Variants in ROBO2 observed in about 807,000 individuals in gnomAD.
ROBO2 encodes roundabout guidance receptor 2.
A neutral mutation model predicts 160.8 loss-of-function variants in ROBO2; 53 were observed. The observed-to-expected ratio is 0.33, with a 90% CI of 0.26 to 0.41. ROBO2 has a LOEUF of 0.41. Ranked by LOEUF, ROBO2 falls within the 10% of genes least tolerant of loss-of-function variation. The pLI is 1.00. For synonymous variants in ROBO2, 664 were observed against 611.7 expected (o/e 1.09, Z -1.26); for missense variants, 1,577 against 1,722.4 (o/e 0.92, Z 1.49).
intron 2 of ROBO2, among the ~76,000 whole-genome samples, chr3:75,986,248 G>A (rs2065411401): frequency 6.6e-6 from 1 of 151,348 alleles, no homozygotes; most frequent in Non-Finnish European, 1.5e-5. Context: ...TGTGTACGAG[G>A]TGTTATGTTC....
At chr3:77,215,060 G>A (rs1031886881) in intron 2 of ROBO2, among the ~76,000 whole-genome samples, 1 of 152,064 alleles carries the variant, frequency 6.6e-6, no homozygotes, top group East Asian at 1.9e-4. Context: ...TATGTGTCTT[G>A]GAGTTGCTCT....
At chr3:76,919,078 G>T (rs553213101) in intron 2 of ROBO2, among the ~76,000 whole-genome samples, 46 of 151,536 alleles carry the variant, frequency 3.0e-4, no homozygotes, top group Non-Finnish European at 5.6e-4. Flanking sequence ...TTAGACCTTT[G>T]TCAGATGGCG....
At chr3:76,318,326 A>C (rs975834131) in intron 2 of ROBO2, among the ~76,000 whole-genome samples, 16 of 152,110 alleles carry the variant, frequency 1.1e-4, no homozygotes, top group African/African-American at 3.9e-4. Flanking sequence ...TTATAATGTC[A>C]GATTATGCCA....
chr3:77,186,017 G>A (rs377374584), intron 2 of ROBO2, among the ~76,000 whole-genome samples: 6 of 151,824 alleles, frequency 4.0e-5, no homozygotes, highest in East Asian at 3.9e-4. Flanking sequence ...ATGGACTTTG[G>A]GAATTTAGGG....
intron 2 of ROBO2, among the ~76,000 whole-genome samples, chr3:76,182,712 A>G (rs1344378649): frequency 6.6e-6 from 1 of 152,168 alleles, no homozygotes; most frequent in Non-Finnish European, 1.5e-5. Context: ...TAAAGTCAGG[A>G]GGCGCAAATT....
intron 2 of ROBO2, among the ~76,000 whole-genome samples, chr3:76,076,913 T>G (rs2107999684): frequency 6.6e-6 from 1 of 152,314 alleles, no homozygotes; most frequent in South Asian, 2.1e-4. Context: ...ATAACTGTTG[T>G]TTTGGTCTTT....
chr3:76,789,012 G>A (rs2063176582), intron 2 of ROBO2, among the ~76,000 whole-genome samples: 1 of 151,416 alleles, frequency 6.6e-6, no homozygotes, highest in East Asian at 2.0e-4. Context: ...TCGAACACCT[G>A]GGTGTTAAAC....
intron 2 of ROBO2, among the ~76,000 whole-genome samples, chr3:77,470,793 A>T (rs2083274999): frequency 6.6e-6 from 1 of 152,164 alleles, no homozygotes; most frequent in Non-Finnish European, 1.5e-5. Flanking sequence ...TGTATGTCAT[A>T]TAAGGAACTG....
At chr3:76,973,067 A>G (rs2059646788) in intron 2 of ROBO2, among the ~76,000 whole-genome samples, 1 of 152,214 alleles carries the variant, frequency 6.6e-6, no homozygotes, top group African/African-American at 2.4e-5. Context: ...ATATCCAGCT[A>G]AAGAACCTCG....
At chr3:76,654,865 A>G (rs573731720) in intron 2 of ROBO2, among the ~76,000 whole-genome samples, 9 of 148,554 alleles carry the variant, frequency 6.1e-5, no homozygotes, top group African/African-American at 2.2e-4. Flanking sequence ...ACACACACGT[A>G]CATATATGTG....
chr3:76,144,177 G>A (rs2071797234), intron 2 of ROBO2, among the ~76,000 whole-genome samples: 2 of 152,032 alleles, frequency 1.3e-5, no homozygotes, highest in South Asian at 4.1e-4. Context: ...GGAAGTCAAA[G>A]CAATTATTAA....
chr3:77,328,665 T>C (rs995969707), intron 2 of ROBO2, among the ~76,000 whole-genome samples: 3 of 152,208 alleles, frequency 2.0e-5, no homozygotes, highest in Admixed American at 6.5e-5. Flanking sequence ...GAGATAGATA[T>C]AGTTCAGAAC....
At chr3:77,603,314 T>A (rs565543594) in intron 20 of ROBO2, among the ~76,000 whole-genome samples, 5 of 152,178 alleles carry the variant, frequency 3.3e-5, no homozygotes, top group African/African-American at 1.2e-4. Flanking sequence ...ATACTATTCA[T>A]TAAAGAACGA....
chr3:77,010,032 A>G (rs1037467176), intron 2 of ROBO2, among the ~76,000 whole-genome samples: 5 of 151,570 alleles, frequency 3.3e-5, no homozygotes, highest in Admixed American at 2.6e-4. Flanking sequence ...TTTATTTGGT[A>G]TAATTTCAGA....
intron 2 of ROBO2, among the ~76,000 whole-genome samples, chr3:77,173,666 T>G (rs1181565799): frequency 6.6e-6 from 1 of 152,156 alleles, no homozygotes; most frequent in Non-Finnish European, 1.5e-5. Context: ...TGTATAAATT[T>G]ATTCTAAGGC....
intron 2 of ROBO2, among the ~76,000 whole-genome samples, chr3:77,123,580 T>C (rs1160849955): frequency 6.6e-6 from 1 of 152,020 alleles, no homozygotes; most frequent in Non-Finnish European, 1.5e-5. Context: ...TTTGACTGCT[T>C]GCACACTAAT....
At chr3:76,060,826 A>G (rs1377905214) in intron 2 of ROBO2, among the ~76,000 whole-genome samples, 2 of 151,226 alleles carry the variant, frequency 1.3e-5, no homozygotes, top group Non-Finnish European at 2.9e-5. Flanking sequence ...CTGATTTGTT[A>G]TGGGCAGAGA....
At chr3:76,434,789 GGGGGAGAGC>G in intron 2 of ROBO2, 1 of 1,326,700 alleles carries the variant, frequency 7.5e-7, no homozygotes, top group Admixed American at 1.7e-5. Context: ...AGATTAATCA[GGGGGAGAGC>G]ATCACACATG....
intron 2 of ROBO2, among the ~76,000 whole-genome samples, chr3:76,558,988 C>T (rs555221941): frequency 6.6e-6 from 1 of 152,088 alleles, no homozygotes; most frequent in Non-Finnish European, 1.5e-5. Context: ...AAACCTAGGT[C>T]TCTATTTTTA....
Sources: gnomAD v4.1 joint callset for allele counts (sites outside exome capture counted in the v4.1 genomes callset) on GRCh38, gnomAD v4.1.1 for gene constraint, MANE v1.5 for transcripts, NCBI Gene and HGNC (gene_info 2026-07-23, HGNC 2026-07-21) for gene names.